IL1RAPL2: variants seen among roughly 807,000 people sequenced by gnomAD.
The protein encoded by IL1RAPL2 is interleukin 1 receptor accessory protein like 2.
A neutral mutation model predicts 44.1 loss-of-function variants in IL1RAPL2; 3 were observed. The ratio of observed to expected loss-of-function variants is 0.07; its 90% confidence interval spans 0.03 to 0.18. IL1RAPL2 has a LOEUF of 0.18. IL1RAPL2 is among the 10% of genes least tolerant of loss of function. IL1RAPL2 has a pLI of 1.00. For missense variants in IL1RAPL2, 391 were observed against 496.4 expected (o/e 0.79, Z 2.02); for synonymous variants, 181 against 178.8 (o/e 1.01, Z -0.10).
At chrX:105,098,440 T>C (rs1374008960) in intron 2 of IL1RAPL2, among the ~76,000 whole-genome samples, 1 of 112,262 alleles carries the variant, frequency 8.9e-6, no homozygotes, top group Non-Finnish European at 1.9e-5. Context: ...AATATTTTTG[T>C]CTTGCCTCAG....
chrX:104,925,382 C>T (rs186420801), intron 2 of IL1RAPL2, among the ~76,000 whole-genome samples: 1 of 110,867 alleles, frequency 9.0e-6, no homozygotes, highest in East Asian at 2.8e-4. Context: ...GATACCAAGA[C>T]CTGGCAGAGA....
intron 6 of IL1RAPL2, among the ~76,000 whole-genome samples, chrX:105,519,036 C>T (rs1264992093): frequency 9.0e-6 from 1 of 111,205 alleles, no homozygotes; most frequent in Non-Finnish European, 1.9e-5. Flanking sequence ...GAAAGTAAGG[C>T]CCAGAAAAAG....
chrX:104,974,802 C>G (rs768034062), intron 2 of IL1RAPL2, among the ~76,000 whole-genome samples: 2 of 112,262 alleles, frequency 1.8e-5, no homozygotes, highest in South Asian at 7.4e-4. Flanking sequence ...CAAGGCAGCT[C>G]TCTGGGGGCT....
At chrX:104,838,667 A>T (rs369442006) in intron 2 of IL1RAPL2, among the ~76,000 whole-genome samples, 1 of 110,207 alleles carries the variant, frequency 9.1e-6, no homozygotes, top group East Asian at 2.9e-4. Context: ...TGTCATCAGT[A>T]AACAGAGACA....
At chrX:105,420,005 C>G (rs1297057327) in intron 5 of IL1RAPL2, among the ~76,000 whole-genome samples, 2 of 110,288 alleles carry the variant, frequency 1.8e-5, no homozygotes, top group Non-Finnish European at 3.8e-5. Context: ...CATGTATGAT[C>G]CAGTGTTTTG....
intron 6 of IL1RAPL2, among the ~76,000 whole-genome samples, chrX:105,665,171 G>A (rs946502349): frequency 4.5e-5 from 5 of 111,175 alleles, no homozygotes; most frequent in Non-Finnish European, 9.4e-5. Flanking sequence ...TGTGGGCGGG[G>A]GATTAGCGGC....
chrX:104,826,821 T>C (rs1339091523), intron 2 of IL1RAPL2, among the ~76,000 whole-genome samples: 1 of 110,793 alleles, frequency 9.0e-6, no homozygotes, highest in African/African-American at 3.3e-5. Flanking sequence ...ATATTTAGGA[T>C]GGTTAGCTCT....
intron 5 of IL1RAPL2, among the ~76,000 whole-genome samples, chrX:105,386,601 A>T (rs1222460299): frequency 2.7e-5 from 3 of 111,950 alleles, no homozygotes; most frequent in Non-Finnish European, 5.6e-5. Flanking sequence ...GAATACCCAA[A>T]ATCTATTTTC....
In IL1RAPL2 at chrX:104,739,839, T is replaced by G. The variant is rs759465905; in HGVS notation, c.82+80844T>G. 1.7e-4 allele frequency among the ~76,000 whole-genome samples: 19 copies of G among 111,887 alleles called. No individual in the cohort carries two copies. The South Asian group carries it at 3.0e-3, about 18-fold the overall frequency. On this transcript the variant is annotated intron_variant, in intron 2 of 10. Transcript: ENST00000372582. ...TTTCCATCTTGTATATTTGGATATT[T>G]ATTTATTGGATTTTCTCAGATTGAG...
At chrX:104,827,819 C>G (rs1163180240) in intron 2 of IL1RAPL2, among the ~76,000 whole-genome samples, 2 of 111,484 alleles carry the variant, frequency 1.8e-5, no homozygotes, top group African/African-American at 6.5e-5. Context: ...AGGCTTTGTT[C>G]ATTCCATTTC....
At chrX:104,826,037 C>A (rs1921440929) in intron 2 of IL1RAPL2, among the ~76,000 whole-genome samples, 1 of 112,231 alleles carries the variant, frequency 8.9e-6, no homozygotes, top group Admixed American at 9.4e-5. Flanking sequence ...ATATCTCTTA[C>A]AGCCTTTTAT....
intron 6 of IL1RAPL2, among the ~76,000 whole-genome samples, chrX:105,542,409 A>G (rs963465971): frequency 1.8e-5 from 2 of 112,040 alleles, no homozygotes; most frequent in African/African-American, 6.5e-5. Context: ...CTCTCTTCAA[A>G]GAACGTAGAA....
chrX:104,670,095 A>G (rs1280012187), intron 2 of IL1RAPL2, among the ~76,000 whole-genome samples: 1 of 111,603 alleles, frequency 9.0e-6, no homozygotes, highest in Non-Finnish European at 1.9e-5. Context: ...GACTCACACG[A>G]TCACAAAGTG....
intron 6 of IL1RAPL2, among the ~76,000 whole-genome samples, chrX:105,572,427 T>C (rs1297330005): frequency 8.9e-6 from 1 of 112,078 alleles, no homozygotes; most frequent in Non-Finnish European, 1.9e-5. Flanking sequence ...AATTAATTAC[T>C]ATTTGGTTTT....
intron 5 of IL1RAPL2, among the ~76,000 whole-genome samples, chrX:105,366,207 A>G (rs1209419985): frequency 1.8e-5 from 2 of 111,306 alleles, no homozygotes; most frequent in Non-Finnish European, 3.8e-5. Context: ...TCAGCCTCCT[A>G]AAGTACAGGG....
chrX:105,065,934 C>A (rs961784299), intron 2 of IL1RAPL2, among the ~76,000 whole-genome samples: 3 of 111,097 alleles, frequency 2.7e-5, no homozygotes, highest in African/African-American at 9.8e-5. Flanking sequence ...TACTTCCCAA[C>A]TCTGGAGGGG....
At chrX:105,472,547 A>T (rs1011989275) in intron 5 of IL1RAPL2, among the ~76,000 whole-genome samples, 5 of 111,718 alleles carry the variant, frequency 4.5e-5, no homozygotes, top group Admixed American at 1.9e-4. Context: ...AATTCAGTTA[A>T]TTTTTTTCCT....
chrX:105,086,858 G>A (rs1021692295), intron 2 of IL1RAPL2, among the ~76,000 whole-genome samples: 3 of 110,077 alleles, frequency 2.7e-5, no homozygotes, highest in Admixed American at 2.0e-4. Context: ...ATCATATTAC[G>A]CAGTGCAGAT....
At chrX:105,595,098 T>A (rs745441692) in intron 6 of IL1RAPL2, among the ~76,000 whole-genome samples, 2 of 112,161 alleles carry the variant, frequency 1.8e-5, no homozygotes, top group Admixed American at 1.9e-4. Flanking sequence ...TTAACACCAT[T>A]TTAACAATAG....
Sources: allele counts gnomAD v4.1 joint callset (sites outside exome capture counted in the v4.1 genomes callset), GRCh38; gene constraint gnomAD v4.1.1; transcripts MANE v1.5; gene names NCBI Gene and HGNC (gene_info 2026-07-23, HGNC 2026-07-21).